Variants in PXT1 observed in about 807,000 individuals in gnomAD.
PXT1 encodes the protein peroxisomal testis-specific protein 1.
In PXT1, 11 loss-of-function variants were observed where a neutral mutation model predicts 11.0. The ratio of observed to expected loss-of-function variants is 1.00; its 90% CI spans 0.63 to 1.66. The LOEUF (loss-of-function observed/expected upper bound fraction) is 1.66, where lower values mean the gene tolerates loss of function less well. Among genes scored for constraint, PXT1 ranks in the 40% most tolerant of loss-of-function variants. PXT1 has a pLI of 0.00. For missense variants in PXT1, 141 were observed against 155.5 expected, an observed-to-expected ratio of 0.91 and a Z score of 0.49; for synonymous variants, 43 against 51.4, an observed-to-expected ratio of 0.84 and a Z score of 0.70.
chr6:36,423,328 TCGCG>T (rs1774549490), intron 3 of PXT1, among the ~76,000 whole-genome samples: 2 of 152,230 alleles, frequency 1.3e-5, no homozygotes, highest in African/African-American at 2.4e-5. Context: ...CGGAACCACC[TCGCG>T]CACTTTAGCT....
intron 3 of PXT1, among the ~76,000 whole-genome samples, chr6:36,412,765 C>A (rs6457913): frequency 6.6e-6 from 1 of 151,694 alleles, no homozygotes; most frequent in East Asian, 1.9e-4. Flanking sequence ...CTGGCCTGTT[C>A]AGAGAGAGAT....
chr6:36,400,503 A>G lies in PXT1; in HGVS notation c.251T>C (p.Met84Thr). 6.2e-7 allele frequency: 1 copy of G among 1,614,030 alleles called. No homozygotes were observed. Among genetic ancestry groups the G allele is most frequent in the Non-Finnish European group, 8.5e-7 (1 of 1,179,916 alleles). The change falls in exon 4 of 5, where the codon ATG (methionine) becomes ACG (threonine). Residue 84 changes from methionine (M) to threonine (T), a missense_variant. Transcript: ENST00000454782. ...HQEEIIHKLA[M>T]QLRHIGDNID... ...GTTGTCCCCAATGTGTCTCAGCTGC[A>G]TGGCCAACTTGTGAATTATTTCCTC...
chr6:36,431,095 C>T (rs889953093), intron 2 of PXT1, among the ~76,000 whole-genome samples: 7 of 152,208 alleles, frequency 4.6e-5, no homozygotes, highest in Middle Eastern at 3.4e-3. Context: ...GGATTACAGG[C>T]GTGAGCCACC....
intron 3 of PXT1, among the ~76,000 whole-genome samples, chr6:36,408,502 TC>T (rs1383913883): frequency 6.6e-6 from 1 of 151,306 alleles, no homozygotes; most frequent in Non-Finnish European, 1.5e-5. Flanking sequence ...CAAGTGATCC[TC>T]CCTCGTTAGC....
At chr6:36,423,210 G>C (rs1407444290) in intron 3 of PXT1, among the ~76,000 whole-genome samples, 1 of 152,214 alleles carries the variant, frequency 6.6e-6, no homozygotes, top group Non-Finnish European at 1.5e-5. Flanking sequence ...AAGCCACTGA[G>C]GGGAGAGGTG....
intron 4 of PXT1, among the ~76,000 whole-genome samples, chr6:36,396,874 T>G (rs1348717996): frequency 6.6e-6 from 1 of 152,132 alleles, no homozygotes; most frequent in Non-Finnish European, 1.5e-5. Context: ...CTGCCCTCTC[T>G]GCTAAGAGCT....
chr6:36,405,168 C>T (rs376941960), intron 3 of PXT1, among the ~76,000 whole-genome samples: 13 of 151,806 alleles, frequency 8.6e-5, no homozygotes, highest in East Asian at 3.9e-4. Flanking sequence ...GTTTGTGTCT[C>T]CGTTTTTAAC....
intron 3 of PXT1, among the ~76,000 whole-genome samples, chr6:36,425,593 T>C (rs1200947704): frequency 6.6e-6 from 1 of 151,980 alleles, no homozygotes. Flanking sequence ...GAGACCAGCC[T>C]GGCCAACATG....
At position 36,390,757 on chromosome 6, in the gene PXT1, C is replaced by A. The variant is rs1774054344; in HGVS notation, c.*1013G>T. The A allele has an allele frequency of 6.6e-6, 1 of 152,210 alleles. No individual in the cohort carries two copies. Among genetic ancestry groups the A allele is most frequent in the South Asian group, 2.1e-4 (1 of 4,828 alleles). The allele number at this position is 152,210 out of a possible 1,614,324, so 9.4% of individuals were successfully genotyped here. A position where few individuals can be genotyped will look rare whatever the true frequency, so the allele number is the denominator to read the frequency against. ...AAGAAGAAGCATGCAGGTGAAAGAA[C>A]TGCCTAACAGCGTGCAGGAGAGAAT... is the stretch of plus-strand genomic sequence containing the variant. On this transcript the variant is annotated 3_prime_UTR_variant, in exon 5 of 5. Transcript: ENST00000454782.
chr6:36,412,497 T>C (rs1774389284), intron 3 of PXT1, among the ~76,000 whole-genome samples: 1 of 149,814 alleles, frequency 6.7e-6, no homozygotes, highest in Admixed American at 6.7e-5. Flanking sequence ...CCGTCTCTAC[T>C]AAAAATGCAA....
At chr6:36,420,183 A>G (rs1774504635) in intron 3 of PXT1, among the ~76,000 whole-genome samples, 1 of 152,246 alleles carries the variant, frequency 6.6e-6, no homozygotes, top group Non-Finnish European at 1.5e-5. Flanking sequence ...AATGTTATCT[A>G]TCTATCTATC....
At chr6:36,401,377 T>G (rs1184977732) in intron 3 of PXT1, among the ~76,000 whole-genome samples, 1 of 152,188 alleles carries the variant, frequency 6.6e-6, no homozygotes, top group Non-Finnish European at 1.5e-5. Flanking sequence ...CTCACATCTA[T>G]AATCCCAAAA....
chr6:36,439,618 A>G (rs972081678), intron 1 of PXT1, among the ~76,000 whole-genome samples: 1 of 145,098 alleles, frequency 6.9e-6, no homozygotes, highest in African/African-American at 2.6e-5. Flanking sequence ...ATCTCAAAAC[A>G]ACAACAACAA....
intron 3 of PXT1, among the ~76,000 whole-genome samples, chr6:36,406,810 CAAAA>C (rs5875547): frequency 3.0e-5 from 4 of 131,866 alleles, no homozygotes; most frequent in South Asian, 2.5e-4. Context: ...GACTCCATTT[CAAAA>C]AAAAAAAAAA....
At chr6:36,399,426 C>T (rs528066757) in intron 4 of PXT1, among the ~76,000 whole-genome samples, 1 of 152,324 alleles carries the variant, frequency 6.6e-6, no homozygotes, top group East Asian at 1.9e-4. Flanking sequence ...GGATTACAGG[C>T]GTGAGCCACC....
chr6:36,403,704 C>T (rs1774245591), intron 3 of PXT1, among the ~76,000 whole-genome samples: 2 of 152,192 alleles, frequency 1.3e-5, no homozygotes, highest in South Asian at 4.2e-4. Flanking sequence ...CCCATCTCTA[C>T]CAAAAATACA....
At position 36,391,840 on chromosome 6, in the gene PXT1, T is replaced by C. The variant is rs1241495935; in HGVS notation, c.335A>G (p.His112Arg). The part of the protein sequence containing the change: ...LQQDGRDALD[H>R]FVFFFFRRVQ... ...TCTTCTAAAGAAAAAGAAGACAAAA[T>C]GATCTAGTGCATCTCTGCCATCCTG... The change falls in exon 5 of 5, where the codon CAT (histidine) becomes CGT (arginine). Residue 112 changes from histidine to arginine, a missense_variant. Transcript: ENST00000454782. 1 of 1,612,756 alleles carries C rather than the reference T, an allele frequency of 6.2e-7. No homozygotes were observed. Among genetic ancestry groups the C allele is most frequent in the Non-Finnish European group, 8.5e-7 (1 of 1,179,502 alleles).
chr6:36,404,169 A>G (rs939474837), intron 3 of PXT1, among the ~76,000 whole-genome samples: 5 of 152,206 alleles, frequency 3.3e-5, no homozygotes, highest in African/African-American at 1.2e-4. Context: ...GGAAAGGCAT[A>G]TTTCAAGTCT....
intron 3 of PXT1, among the ~76,000 whole-genome samples, chr6:36,409,450 A>G (rs1774335364): frequency 6.6e-6 from 1 of 152,160 alleles, no homozygotes; most frequent in Admixed American, 6.5e-5. Context: ...CTTAACTGGA[A>G]GTCTGATGGG....
Sources: gnomAD v4.1 joint callset for allele counts (sites outside exome capture counted in the v4.1 genomes callset) on GRCh38, gnomAD v4.1.1 for gene constraint, MANE v1.5 for transcripts, NCBI Gene and HGNC (gene_info 2026-07-23, HGNC 2026-07-21) for gene names.